The following MAP4K3 variants were observed in gnomAD, a reference collection of about 807,000 sequenced individuals.
MAP4K3 encodes mitogen-activated protein kinase kinase kinase kinase 3, also known as MAPK/ERK kinase kinase kinase 3.
MAP4K3 carries 94 observed loss-of-function variants against 143.5 expected under a neutral mutation model. The observed-to-expected ratio is 0.65, with a 90% CI of 0.55 to 0.78. The LOEUF (loss-of-function observed/expected upper bound fraction) is 0.78. MAP4K3 is among the 30% of genes least tolerant of loss of function. The pLI is 0.00. For synonymous variants in MAP4K3, 416 were observed against 347.2 expected (o/e 1.20, Z -2.20); for missense variants, 1,077 against 1,068.1 (o/e 1.01, Z -0.12).
At chr2:39,264,000 G>A (rs958399428) in intron 28 of MAP4K3, among the ~76,000 whole-genome samples, 3 of 152,076 alleles carry the variant, frequency 2.0e-5, no homozygotes, top group African/African-American at 7.2e-5. Flanking sequence ...CAGTATACAA[G>A]AATAACTGAT....
In MAP4K3 at chr2:39,309,479, T is replaced by C. The variant is rs1323297694; in HGVS notation, c.1038A>G (p.Thr346=). Residue 346 remains threonine, a synonymous_variant, in exon 14 of 34, where the codon ACA becomes ACG. Coordinates refer to ENST00000263881, the MANE Select transcript of MAP4K3 (RefSeq NM_003618.4). ...TACTTACAAGTTCATGATGTGGTTC[T>C]GTCTCCTTTCTTAAGGGTGGATCAA... The part of the protein sequence containing the change: ...VKFDPPLRKE[T]EPHHELPDSD... 5.6e-6 allele frequency: 9 copies of C among 1,595,074 alleles called. No homozygotes were observed. Among genetic ancestry groups the C allele is most frequent in the Non-Finnish European group, 2.6e-6 (3 of 1,173,026 alleles).
At position 39,419,697 on chromosome 2, in the gene MAP4K3, G is replaced by C. The variant is rs1288475703; in HGVS notation, c.96+17195C>G. Among the ~76,000 whole-genome samples, 4 of 152,140 alleles carry C rather than the reference G, an allele frequency of 2.6e-5. No individual in the cohort carries two copies. In the East Asian group the frequency reaches 7.7e-4, roughly 29 times the overall value. On this transcript the variant is annotated intron_variant, in intron 1 of 33. Transcript: ENST00000263881. ...GTAGTATTGGTGAATTAACATCACA[G>C]CACTAACCAGAAATAAGAGACCCCA...
chr2:39,339,929 G>A (rs1240695671), intron 4 of MAP4K3, among the ~76,000 whole-genome samples: 1 of 152,042 alleles, frequency 6.6e-6, no homozygotes, highest in East Asian at 1.9e-4. Flanking sequence ...TATAAAATAA[G>A]TGAGAAAATA....
chr2:39,290,413 G>A (rs916317400), intron 18 of MAP4K3, 79 bp from the exon 19 acceptor site: 5 of 912,766 alleles, frequency 5.5e-6, no homozygotes, highest in Admixed American at 2.7e-5. Flanking sequence ...TTTTTTCAAA[G>A]ACACATAAAA....
chr2:39,267,292 T>C (rs753096582), intron 26 of MAP4K3, 45 bp from the exon 27 acceptor site: 7 of 1,450,924 alleles, frequency 4.8e-6, no homozygotes, highest in African/African-American at 2.8e-5. Context: ...TAGGCAAACT[T>C]AGTATATGAA....
chr2:39,315,172 C>A (rs1267040332), intron 13 of MAP4K3, 138 bp downstream of exon 13: 2 of 535,364 alleles, frequency 3.7e-6, no homozygotes, highest in Non-Finnish European at 6.4e-6. Context: ...GAAATTCTTA[C>A]TGCCCTAATT....
At chr2:39,277,423 CTCATTCCTAATAT>C (rs1415178434) in intron 24 of MAP4K3, among the ~76,000 whole-genome samples, 5 of 152,356 alleles carry the variant, frequency 3.3e-5, no homozygotes, top group African/African-American at 1.2e-4. Context: ...ATATCTTATA[CTCATTCCTAATAT>C]GACATCTAAT....
chr2:39,393,208 A>G (rs975110250), intron 1 of MAP4K3, among the ~76,000 whole-genome samples: 1 of 152,230 alleles, frequency 6.6e-6, no homozygotes, highest in African/African-American at 2.4e-5. Context: ...TGAGGACTTC[A>G]CCTGTGAATG....
rs1305113756 is a variant in MAP4K3, at chr2:39,258,390, A to G, written c.2428T>C (p.Leu810=). The G allele has an allele frequency of 1.2e-6, 2 of 1,611,150 alleles. No individual in the cohort carries two copies. The highest frequency in any genetic ancestry group is 1.7e-5 in the Admixed American group (1 of 59,910). ...AAATCAAAGGTGAGTTCTGATGACA[A>G]TTTCCTGCTAGATTTTAATCTTCCT... ...LQGRLKSSRK[L]SSELTFDFQI... The change falls in exon 31 of 34, where the codon TTG becomes CTG. Residue 810 remains leucine (L), a synonymous_variant. Coordinates refer to ENST00000263881, the MANE Select transcript of MAP4K3 (RefSeq NM_003618.4).
intron 1 of MAP4K3, among the ~76,000 whole-genome samples, chr2:39,390,401 G>C (rs1046839731): frequency 6.6e-6 from 1 of 151,284 alleles, no homozygotes; most frequent in African/African-American, 2.4e-5. Flanking sequence ...TTAAATCACA[G>C]AGTCTTGGCT....
intron 4 of MAP4K3, among the ~76,000 whole-genome samples, chr2:39,340,562 C>A (rs1323454421): frequency 6.6e-6 from 1 of 152,150 alleles, no homozygotes; most frequent in African/African-American, 2.4e-5. Context: ...AGAATCATGA[C>A]AACCTATTTC....
At chr2:39,274,890 C>T (rs1681181108) in intron 24 of MAP4K3, among the ~76,000 whole-genome samples, 1 of 152,192 alleles carries the variant, frequency 6.6e-6, no homozygotes, top group Non-Finnish European at 1.5e-5. Context: ...AATCAGGACC[C>T]TGATTAGTGT....
chr2:39,424,777 G>A (rs1314788417), intron 1 of MAP4K3, among the ~76,000 whole-genome samples: 1 of 143,146 alleles, frequency 7.0e-6, no homozygotes, highest in African/African-American at 2.7e-5. Context: ...GCTGCAGTGA[G>A]CCTTGATTGT....
intron 4 of MAP4K3, among the ~76,000 whole-genome samples, chr2:39,341,885 G>A (rs1665150280): frequency 6.6e-6 from 1 of 151,858 alleles, no homozygotes; most frequent in African/African-American, 2.4e-5. Flanking sequence ...ATAAAGAAAA[G>A]TTTCTCAAAT....
chr2:39,305,672 C>A (rs1050908089), intron 15 of MAP4K3, among the ~76,000 whole-genome samples: 14 of 152,212 alleles, frequency 9.2e-5, no homozygotes, highest in African/African-American at 3.4e-4. Flanking sequence ...GTCACAAGAC[C>A]CCTGTCAAAT....
intron 1 of MAP4K3, among the ~76,000 whole-genome samples, chr2:39,401,530 T>C (rs1329505612): frequency 1.3e-5 from 2 of 152,152 alleles, no homozygotes; most frequent in Non-Finnish European, 2.9e-5. Context: ...CCAGGCGCTG[T>C]GGTTCATGCC....
chr2:39,268,632 C>CTTTTTTTTT (rs1389888924), intron 26 of MAP4K3, among the ~76,000 whole-genome samples: 3 of 45,732 alleles, frequency 6.6e-5, no homozygotes, highest in Non-Finnish European at 1.7e-4. Flanking sequence ...AAGATTTTTT[C>CTTTTTTTTT]TATTTTTTTT....
intron 1 of MAP4K3, among the ~76,000 whole-genome samples, chr2:39,406,973 T>A (rs1166814008): frequency 6.6e-6 from 1 of 152,140 alleles, no homozygotes; most frequent in African/African-American, 2.4e-5. Flanking sequence ...CTCATGAACA[T>A]AAAAAATTCT....
chr2:39,406,224 C>G (rs916252724), intron 1 of MAP4K3, among the ~76,000 whole-genome samples: 4 of 152,026 alleles, frequency 2.6e-5, no homozygotes, highest in African/African-American at 9.7e-5. Context: ...ACAAGCACAT[C>G]TGCAAGATCT....
Sources: gnomAD v4.1 joint callset for allele counts (sites outside exome capture counted in the v4.1 genomes callset) on GRCh38, gnomAD v4.1.1 for gene constraint, MANE v1.5 for transcripts, NCBI Gene and HGNC (gene_info 2026-07-23, HGNC 2026-07-21) for gene names.